NOP58: variants seen among roughly 807,000 people sequenced by gnomAD.
NOP58 encodes the protein nucleolar protein 58.
A neutral mutation model predicts 71.2 loss-of-function variants in NOP58; 44 were observed. The ratio of observed to expected loss-of-function variants is 0.62; its 90% CI spans 0.49 to 0.79. The LOEUF (loss-of-function observed/expected upper bound fraction) is 0.79. Among genes scored for constraint, NOP58 ranks in the 30% least tolerant of loss-of-function variants. NOP58 has a pLI of 0.00. For synonymous variants in NOP58, 228 were observed against 200.3 expected (o/e 1.14, Z -1.17); for missense variants, 538 against 620.2 (o/e 0.87, Z 1.41).
At chr2:202,266,663 A>G (rs2105833310) in intron 1 of NOP58, among the ~76,000 whole-genome samples, 1 of 152,296 alleles carries the variant, frequency 6.6e-6, no homozygotes, top group African/African-American at 2.4e-5. Context: ...TTGTCTTAAT[A>G]CGGTTACTCT....
Position 202,291,120 on chromosome 2 carries a change from C to A in NOP58, c.635-5C>A. ...TCTCCCTCATCCTCTGCAAACATTC[C>A]ATAGGCGATAGGAAGAACTATGCCT... is the stretch of plus-strand genomic sequence containing the variant. On this transcript the variant is annotated splice_polypyrimidine_tract_variant and splice_region_variant and intron_variant, in intron 7 of 14. Transcript: ENST00000264279. 6.3e-7 allele frequency: 1 copy of A among 1,593,662 alleles called. No individual in the cohort carries two copies. The highest frequency in any genetic ancestry group is 8.5e-7 in the Non-Finnish European group (1 of 1,173,826).
intron 8 of NOP58, 158 bp downstream of exon 8, chr2:202,291,428 G>T (rs1041418999): frequency 2.0e-6 from 1 of 489,002 alleles, no homozygotes; most frequent in Non-Finnish European, 3.6e-6. Context: ...ATCATGATTT[G>T]TATACTTAAA....
At chr2:202,284,591 T>C (rs558233496) in intron 5 of NOP58, 110 bp downstream of exon 5, 7 of 1,135,670 alleles carry the variant, frequency 6.2e-6, no homozygotes, top group South Asian at 4.9e-5. Context: ...CAGAACCTTA[T>C]GAAGAAGATG....
At chr2:202,275,324 A>G (rs986668337) in intron 2 of NOP58, 135 bp downstream of exon 2, 3 of 584,746 alleles carry the variant, frequency 5.1e-6, no homozygotes, top group Non-Finnish European at 9.2e-6. Flanking sequence ...TAATTTTGGT[A>G]TGAACCTAAT....
At chr2:202,291,934 A>G (rs1413172161) in intron 8 of NOP58, among the ~76,000 whole-genome samples, 1 of 150,080 alleles carries the variant, frequency 6.7e-6, no homozygotes, top group Non-Finnish European at 1.5e-5. Context: ...TAGGAATTAA[A>G]AAGAGCATGA....
intron 9 of NOP58, chr2:202,293,111 T>C (rs1442864312): frequency 1.4e-6 from 1 of 734,026 alleles, no homozygotes; most frequent in Non-Finnish European, 2.5e-6. Context: ...AAGGCATCTT[T>C]AGTCACTACC....
intron 1 of NOP58, among the ~76,000 whole-genome samples, chr2:202,266,506 G>A (rs1688419630): frequency 6.6e-6 from 1 of 151,906 alleles, no homozygotes; most frequent in South Asian, 2.1e-4. Flanking sequence ...AGTAGAGACG[G>A]GGTTTCACCA....
chr2:202,273,545 ATTG>A (rs562160952), intron 1 of NOP58, among the ~76,000 whole-genome samples: 25 of 152,238 alleles, frequency 1.6e-4, no homozygotes, highest in Non-Finnish European at 3.7e-4. Context: ...AATCTTTAGC[ATTG>A]TTGTTACAAC....
chr2:202,278,276 A>G (rs147735100), intron 3 of NOP58: 2 of 558,964 alleles, frequency 3.6e-6, no homozygotes, highest in African/African-American at 1.9e-5. Flanking sequence ...TGTGGAAACC[A>G]GCAACATAAT....
At chr2:202,284,534 A>G in intron 5 of NOP58, 53 bp downstream of exon 5, 2 of 1,572,684 alleles carry the variant, frequency 1.3e-6, no homozygotes, top group Non-Finnish European at 1.7e-6. Flanking sequence ...TAAGCGCTTA[A>G]CATAGATCTG....
chr2:202,268,728 C>T (rs1056166038), intron 1 of NOP58, among the ~76,000 whole-genome samples: 9 of 151,518 alleles, frequency 5.9e-5, no homozygotes, highest in African/African-American at 2.2e-4. Flanking sequence ...TCTCCTGCCT[C>T]AGCCTCCCGA....
rs750838427 is a variant in NOP58, at chr2:202,290,372, T to C, written c.549T>C (p.Cys183=). Residue 183 remains cysteine (C), a synonymous_variant, in exon 7 of 15, where the codon TGT becomes TGC. Coordinates refer to ENST00000264279, the MANE Select transcript of NOP58 (RefSeq NM_015934.5). ...AACTAAACAACTACATTATGCGATG[T>C]AGAGAATGGTATGGCTGGCATTTCC... is the stretch of plus-strand genomic sequence containing the variant. ...DKELNNYIMR[C]REWYGWHFPE... 4.4e-6 allele frequency: 7 copies of C among 1,608,340 alleles called. No individual in the cohort carries two copies. In the Admixed American group the frequency reaches 1.2e-4, roughly 27 times the overall value.
In NOP58 at chr2:202,300,319, G is replaced by A. The variant is rs1277782035; in HGVS notation, c.1354G>A (p.Asp452Asn). The A allele has an allele frequency of 6.3e-7, 1 of 1,597,002 alleles. No homozygotes were observed. Among genetic ancestry groups the A allele is most frequent in the South Asian group, 1.1e-5 (1 of 87,026 alleles). The change falls in exon 13 of 15, where the codon GAT becomes AAT. Residue 452 changes from aspartate to asparagine, a missense_variant. By Grantham distance (23) the Asp-to-Asn change is conservative (BLOSUM62 1). Coordinates refer to ENST00000264279, the MANE Select transcript of NOP58 (RefSeq NM_015934.5). ...CAAAATAGAACAGGTAGATAAAGAG[G>A]ATGAAATTACTGAAAAGAAAGCCAA... is the stretch of plus-strand genomic sequence containing the variant. ...KRKIEQVDKE[D>N]EITEKKAKKA...
At chr2:202,302,831 A>G in intron 13 of NOP58, 90 bp from the exon 14 acceptor site, 1 of 1,494,358 alleles carries the variant, frequency 6.7e-7, no homozygotes, top group South Asian at 1.4e-5. Context: ...GATGAGAATG[A>G]CAGAAAAAAA....
At chr2:202,285,420 C>T (rs901485141) in intron 5 of NOP58, among the ~76,000 whole-genome samples, 1 of 142,852 alleles carries the variant, frequency 7.0e-6, no homozygotes, top group Non-Finnish European at 1.5e-5. Flanking sequence ...GCGATCTTGG[C>T]TCACTGCAAC....
chr2:202,273,555 C>T (rs1326754675), intron 1 of NOP58, among the ~76,000 whole-genome samples: 2 of 152,128 alleles, frequency 1.3e-5, no homozygotes, highest in Admixed American at 1.3e-4. Flanking sequence ...ATTGTTGTTA[C>T]AACAGTACTA....
At chr2:202,302,053 T>TTC (rs1009551302) in intron 13 of NOP58, among the ~76,000 whole-genome samples, 1 of 151,612 alleles carries the variant, frequency 6.6e-6, no homozygotes, top group Non-Finnish European at 1.5e-5. Flanking sequence ...ATTGCTGAAT[T>TTC]TCTCTCTCTT....
At chr2:202,268,765 C>T (rs892009495) in intron 1 of NOP58, among the ~76,000 whole-genome samples, 1 of 151,518 alleles carries the variant, frequency 6.6e-6, no homozygotes, top group African/African-American at 2.4e-5. Flanking sequence ...GCATGCACCA[C>T]CACGCCCAGC....
chr2:202,267,174 T>C (rs1451329526), intron 1 of NOP58, among the ~76,000 whole-genome samples: 2 of 152,170 alleles, frequency 1.3e-5, no homozygotes, highest in Non-Finnish European at 2.9e-5. Flanking sequence ...TCTGTGAATA[T>C]AGCAATGAAA....
Sources: gnomAD v4.1 joint callset for allele counts (sites outside exome capture counted in the v4.1 genomes callset) on GRCh38, gnomAD v4.1.1 for gene constraint, MANE v1.5 for transcripts, NCBI Gene and HGNC (gene_info 2026-07-23, HGNC 2026-07-21) for gene names.